The following VGLL4 variants were observed in gnomAD, a reference collection of about 807,000 sequenced individuals.
VGLL4 encodes vestigial like family member 4, also known as transcription cofactor vestigial-like protein 4.
In VGLL4, 7 loss-of-function variants were observed where a neutral mutation model predicts 21.0. The ratio of observed to expected loss-of-function variants is 0.33; its 90% CI spans 0.19 to 0.63. VGLL4 has a LOEUF of 0.63. Ranked by LOEUF, VGLL4 falls within the 20% of genes least tolerant of loss-of-function variation. The pLI is 0.78. For missense variants in VGLL4, 394 were observed against 425.7 expected (o/e 0.93, Z 0.66); for synonymous variants, 222 against 173.2 (o/e 1.28, Z -2.21).
In VGLL4 at chr3:11,558,257, C is replaced by T; in HGVS notation, c.*299G>A. 2.1e-6 allele frequency: 1 copy of T among 481,662 alleles called. No homozygotes were observed. Among genetic ancestry groups the T allele is most frequent in the South Asian group, 3.1e-5 (1 of 32,356 alleles). 29.8% of individuals were successfully genotyped at this position (481,662 alleles called of 1,614,324 possible). Reference sequence around the variant, plus strand: ...GAGAAAGCGCTGTGGAGTCCTGGCCCCGTCGGGGCAGCAGACCTGCATCAG... The same window carrying T: ...GAGAAAGCGCTGTGGAGTCCTGGCCTCGTCGGGGCAGCAGACCTGCATCAG... On this transcript the variant is annotated 3_prime_UTR_variant, in exon 5 of 5. Coordinates refer to ENST00000430365, the MANE Select transcript of VGLL4 (RefSeq NM_001128219.3).
At position 11,568,520 on chromosome 3, in the gene VGLL4, A is replaced by G. The variant is rs1433181866; in HGVS notation, c.273-3501T>C. On this transcript the variant is annotated intron_variant, in intron 2 of 4. Coordinates refer to ENST00000430365, the MANE Select transcript of VGLL4 (RefSeq NM_001128219.3). The surrounding 1 kb of genome is among the most constrained non-coding windows in gnomAD (Gnocchi z 5.9). ...CGTGGAACACAGCACAGTGGGCACT[A>G]TGGGTCAGACAAAGACACTGAAAAC... is the stretch of plus-strand genomic sequence containing the variant. The G allele has an allele frequency of 1.3e-6, 2 of 1,524,972 alleles. No homozygotes were observed. Among genetic ancestry groups the G allele is most frequent in the Non-Finnish European group, 1.8e-6 (2 of 1,123,186 alleles). 94.5% of individuals were successfully genotyped at this position (1,524,972 alleles called of 1,614,324 possible). A position where few individuals can be genotyped will look rare whatever the true frequency, so the allele number is the denominator to read the frequency against.
chr3:11,645,111 T>G (rs1200426391), upstream of VGLL4, among the ~76,000 whole-genome samples: 11 of 150,960 alleles, frequency 7.3e-5, no homozygotes, highest in Non-Finnish European at 1.2e-4. Flanking sequence ...CAAGTTCAGG[T>G]GCCCAAAAAC....
intron 2 of VGLL4, among the ~76,000 whole-genome samples, chr3:11,676,439 A>G (rs2076294041): frequency 6.6e-6 from 1 of 150,504 alleles, no homozygotes. Context: ...AATAATAATA[A>G]TAATTTTACA....
chr3:11,572,616 C>T (rs1005452116), intron 2 of VGLL4, among the ~76,000 whole-genome samples: 33 of 152,280 alleles, frequency 2.2e-4, no homozygotes, highest in African/African-American at 7.0e-4. Flanking sequence ...CCTCTTGCCA[C>T]ACGTGGATGT....
rs368893090 is a variant in VGLL4 at position 11,661,369 on chromosome 3, G to A, written c.64+41602C>T. 7.7e-4 allele frequency among the ~76,000 whole-genome samples: 117 copies of A among 152,222 alleles called. 1 individual carries two copies. In the East Asian group the frequency reaches 0.019, roughly 25 times the overall value. ...ATATTGCCAAGAAAAGGTCAATGAA[G>A]ACACACCAGACAGCCAGAGAGATTA... On this transcript the variant is annotated intron_variant, in intron 2 of 5. Transcript: ENST00000273038.
intron 1 of VGLL4, among the ~76,000 whole-genome samples, chr3:11,621,506 T>C (rs192727141): frequency 6.6e-6 from 1 of 152,376 alleles, no homozygotes; most frequent in African/African-American, 2.4e-5. Flanking sequence ...GTCAGTACTA[T>C]ATTTCTTCAT....
At chr3:11,673,183 T>C (rs1247430446) in intron 2 of VGLL4, among the ~76,000 whole-genome samples, 1 of 152,096 alleles carries the variant, frequency 6.6e-6, no homozygotes, top group Non-Finnish European at 1.5e-5. Context: ...ACGTGGAAGA[T>C]AGAGACCAAG....
Position 11,568,648 on chromosome 3 carries a change from A to G in VGLL4, c.273-3629T>C, listed in dbSNP as rs1269343146. ...TGGTTCCCGGAGCTTCAAGACAGACATTGTTTTCCAGGCCCCGCTCGCCCG... is the reference window on the plus strand; with the variant it reads ...TGGTTCCCGGAGCTTCAAGACAGACGTTGTTTTCCAGGCCCCGCTCGCCCG... On this transcript the variant is annotated intron_variant, in intron 2 of 4. Transcript: ENST00000430365. This position sits in a 1 kb window ranked among gnomAD's most constrained non-coding sequence, Gnocchi z 5.9. The G allele has an allele frequency of 3.2e-6, 5 of 1,566,674 alleles. No homozygotes were observed. In the East Asian group the frequency reaches 9.4e-5, roughly 29 times the overall value.
chr3:11,604,508 CT>C lies in VGLL4; in HGVS notation c.83-2487del. ...CTTTATGCATCTTTGGGGCCCCTCC[CT>C]AGATGGCCTTAACCCAACACTTGTA... On this transcript the variant is annotated intron_variant, in intron 1 of 4. Transcript: ENST00000430365. 5 of 950,372 alleles carry C rather than the reference CT, an allele frequency of 5.3e-6. 1 individual carries two copies. Among genetic ancestry groups the C allele is most frequent in the Non-Finnish European group, 6.2e-6 (5 of 804,136 alleles). 58.9% of individuals were successfully genotyped at this position (950,372 alleles called of 1,614,324 possible). A position where few individuals can be genotyped will look rare whatever the true frequency, so the allele number is the denominator to read the frequency against.
rs1341256614 is a variant in VGLL4 at position 11,564,985 on chromosome 3, G to T, written c.307C>A (p.Pro103Thr). ...ATGGGGCTGCGGCTCCGCTCCCGGG[G>T]GTCTCTGCGGCAGTCTCCATTGGCA... The part of the protein sequence containing the change: ...KTANGDCRRD[P>T]RERSRSPIER... The change falls in exon 3 of 5, where the codon CCC becomes ACC. Residue 103 changes from proline to threonine, a missense_variant. Pro to Thr is a conservative substitution (Grantham distance 38). Transcript: ENST00000430365. 11 of 1,526,906 alleles carry T rather than the reference G, an allele frequency of 7.2e-6. No individual in the cohort carries two copies. The highest frequency in any genetic ancestry group is 2.2e-5 in the Admixed American group (1 of 44,990). 94.6% of individuals were successfully genotyped at this position (1,526,906 alleles called of 1,614,324 possible).
At chr3:11,567,147 G>A (rs542699242) in intron 2 of VGLL4, among the ~76,000 whole-genome samples, 48 of 152,268 alleles carry the variant, frequency 3.2e-4, no homozygotes, top group Non-Finnish European at 5.6e-4. Flanking sequence ...AGGGGCACGC[G>A]CTCAGCTTAG....
rs1310293997 is a variant in VGLL4, at chr3:11,556,905, T to C, written c.*1651A>G. On this transcript the variant is annotated 3_prime_UTR_variant, in exon 5 of 5. Coordinates refer to ENST00000430365, the MANE Select transcript of VGLL4 (RefSeq NM_001128219.3). ...AGAAGGGCTTTTCTTTCCTCCACTTTTCAAAGGCCTGCAGCCACTCTGTGA... is the reference window on the plus strand; with the variant it reads ...AGAAGGGCTTTTCTTTCCTCCACTTCTCAAAGGCCTGCAGCCACTCTGTGA... The C allele has an allele frequency of 1.3e-5, 2 of 152,894 alleles. No individual in the cohort carries two copies. The highest frequency in any genetic ancestry group is 2.1e-4 in the South Asian group (1 of 4,826). 9.5% of individuals were successfully genotyped at this position (152,894 alleles called of 1,614,324 possible). A position where few individuals can be genotyped will look rare whatever the true frequency, so the allele number is the denominator to read the frequency against.
At chr3:11,567,736 C>G (rs1457659273) in intron 2 of VGLL4, among the ~76,000 whole-genome samples, 3 of 152,202 alleles carry the variant, frequency 2.0e-5, no homozygotes, top group Non-Finnish European at 2.9e-5. Flanking sequence ...CTGGCTTCTA[C>G]CTAAACGGGA....
At chr3:11,631,412 A>G (rs1225088064) in intron 1 of VGLL4, among the ~76,000 whole-genome samples, 1 of 152,202 alleles carries the variant, frequency 6.6e-6, no homozygotes, top group East Asian at 1.9e-4. Flanking sequence ...CCTAAATATA[A>G]AAGAAACACA....
chr3:11,610,817 C>T (rs552940100), intron 1 of VGLL4: 4 of 152,202 alleles, frequency 2.6e-5, no homozygotes, highest in African/African-American at 9.7e-5. Context: ...TTTGTAGAAG[C>T]CTTCCTGTAT....
chr3:11,644,029 T>C (rs1448868840), upstream of VGLL4: 2 of 975,548 alleles, frequency 2.1e-6, no homozygotes, highest in Admixed American at 1.2e-4. Flanking sequence ...CCTCTCAATG[T>C]AGCAAGTGTT....
intron 2 of VGLL4, among the ~76,000 whole-genome samples, chr3:11,686,791 C>T (rs1467270335): frequency 6.6e-6 from 1 of 152,134 alleles, no homozygotes; most frequent in African/African-American, 2.4e-5. Context: ...CATTCTGTTT[C>T]GTTTATTCTA....
At chr3:11,682,728 G>C (rs912778592) in intron 2 of VGLL4, among the ~76,000 whole-genome samples, 1 of 152,000 alleles carries the variant, frequency 6.6e-6, no homozygotes, top group Non-Finnish European at 1.5e-5. Context: ...GGACAGTTTA[G>C]TGAAGTAACA....
chr3:11,708,775 T>C (rs1335254951), intron 1 of VGLL4, among the ~76,000 whole-genome samples: 2 of 152,080 alleles, frequency 1.3e-5, no homozygotes, highest in African/African-American at 4.8e-5. Context: ...AAATAATCCA[T>C]TGAGGACCAG....
Sources: allele counts gnomAD v4.1 joint callset (sites outside exome capture counted in the v4.1 genomes callset), GRCh38; gene constraint gnomAD v4.1.1; non-coding constraint Gnocchi (gnomAD v3.1); transcripts MANE v1.5; gene names NCBI Gene and HGNC (gene_info 2026-07-23, HGNC 2026-07-21).